COL4A6: variants seen among roughly 807,000 people sequenced by gnomAD.
COL4A6 encodes the protein collagen type IV alpha 6 chain.
Under a neutral mutation model 126.7 loss-of-function variants are expected in COL4A6, and 59 were observed. That is an observed-to-expected ratio of 0.47 (90% confidence interval 0.38 to 0.58). COL4A6 has a LOEUF of 0.58. Ranked by LOEUF, COL4A6 falls within the 20% of genes least tolerant of loss-of-function variation. The probability of loss-of-function intolerance (pLI) is 0.00; values close to 1 mark genes in which losing one functional copy is unlikely to be tolerated. For missense variants in COL4A6, 1,285 were observed against 1,337.3 expected (o/e 0.96, Z 0.61); for synonymous variants, 547 against 496.6 (o/e 1.10, Z -1.35).
intron 9 of COL4A6, 103 bp from the exon 10 acceptor site, chrX:108,205,798 C>T: frequency 2.9e-6 from 2 of 683,369 alleles, no homozygotes; most frequent in Non-Finnish European, 4.5e-6. Flanking sequence ...GCCATCTTTC[C>T]TGCTTTGGCA....
intron 24 of COL4A6, 109 bp from the exon 25 acceptor site, chrX:108,180,731 C>T (rs900892635): frequency 1.3e-6 from 1 of 758,104 alleles, no homozygotes; most frequent in Non-Finnish European, 1.9e-6. Context: ...CTCCTTGTCT[C>T]ACCTCCCCAC....
intron 3 of COL4A6, among the ~76,000 whole-genome samples, chrX:108,277,826 C>T (rs1157739368): frequency 8.9e-6 from 1 of 111,886 alleles, no homozygotes; most frequent in Admixed American, 9.4e-5. Flanking sequence ...GCAGCATTCG[C>T]GGTTCACGAA....
intron 7 of COL4A6, 65 bp from the exon 8 acceptor site, chrX:108,210,069 A>G (rs894453316): frequency 3.1e-5 from 34 of 1,094,112 alleles, no homozygotes; most frequent in Non-Finnish European, 4.0e-5. Flanking sequence ...TCAGATAACT[A>G]ACCTAACATT....
intron 8 of COL4A6, among the ~76,000 whole-genome samples, chrX:108,209,747 A>G (rs1460406435): frequency 8.9e-6 from 1 of 112,377 alleles, no homozygotes; most frequent in Non-Finnish European, 1.9e-5. Context: ...TCTCTGGCCT[A>G]AAGTCTGAAA....
intron 3 of COL4A6, among the ~76,000 whole-genome samples, chrX:108,283,125 T>C (rs1270686823): frequency 2.8e-5 from 3 of 107,982 alleles, no homozygotes; most frequent in African/African-American, 1.0e-4. Flanking sequence ...TGTGCACTTG[T>C]ACCCTAAAAC....
At chrX:108,225,796 C>T (rs1025100832) in intron 3 of COL4A6, among the ~76,000 whole-genome samples, 1 of 112,899 alleles carries the variant, frequency 8.9e-6, no homozygotes. Flanking sequence ...AACTTAGTCC[C>T]TTTCTGCCTT....
intron 14 of COL4A6, among the ~76,000 whole-genome samples, chrX:108,195,618 T>C (rs968083412): frequency 1.8e-5 from 2 of 112,081 alleles, no homozygotes; most frequent in African/African-American, 6.5e-5. Flanking sequence ...AATAGCCACA[T>C]GGAGCATTTT....
At chrX:108,243,333 G>C (rs777789232) in intron 3 of COL4A6, among the ~76,000 whole-genome samples, 19 of 111,066 alleles carry the variant, frequency 1.7e-4, no homozygotes, top group Non-Finnish European at 3.2e-4. Context: ...TGGAGATGAG[G>C]CCTTTAAGGA....
chrX:108,413,960 G>T (rs1603226960), intron 2 of COL4A6, among the ~76,000 whole-genome samples: 1 of 112,145 alleles, frequency 8.9e-6, no homozygotes, highest in African/African-American at 3.2e-5. Context: ...ACAAAATGCA[G>T]GTTGAGGGTT....
chrX:108,425,879 G>A (rs1937061210), intron 2 of COL4A6, among the ~76,000 whole-genome samples: 1 of 110,606 alleles, frequency 9.0e-6, no homozygotes, highest in Admixed American at 9.7e-5. Flanking sequence ...GATATTTCTG[G>A]GGAGGGCATA....
At chrX:108,302,259 T>C (rs1016742793) in intron 3 of COL4A6, among the ~76,000 whole-genome samples, 8 of 111,853 alleles carry the variant, frequency 7.2e-5, no homozygotes. Flanking sequence ...ATAAACAGCA[T>C]GTTAAATGTC....
chrX:108,276,430 T>C (rs2037605223), intron 3 of COL4A6, among the ~76,000 whole-genome samples: 2 of 112,782 alleles, frequency 1.8e-5, no homozygotes, highest in South Asian at 7.3e-4. Context: ...GCCACAAAGC[T>C]AGAAGATAGG....
At chrX:108,255,185 CAAAAAAAAAAA>C (rs34052577) in intron 3 of COL4A6, among the ~76,000 whole-genome samples, 1 of 31,558 alleles carries the variant, frequency 3.2e-5, no homozygotes, top group African/African-American at 1.4e-4. Flanking sequence ...CCACAGGGGG[CAAAAAAAAAAA>C]AAAAAAAAAA....
intron 33 of COL4A6, 149 bp downstream of exon 33, chrX:108,171,238 T>A (rs1452890830): frequency 4.1e-6 from 2 of 486,037 alleles, no homozygotes; most frequent in Admixed American, 7.8e-5. Flanking sequence ...GAAGGAAGAG[T>A]AGGCTGATTT....
intron 3 of COL4A6, among the ~76,000 whole-genome samples, chrX:108,241,776 T>G (rs1220188313): frequency 9.2e-6 from 1 of 108,583 alleles, no homozygotes; most frequent in Non-Finnish European, 1.9e-5. Context: ...TGGGTCAAAA[T>G]AGAATCCATT....
chrX:108,438,091 T>C (rs1449619636), intron 1 of COL4A6, 95 bp downstream of exon 1: 1 of 1,199,723 alleles, frequency 8.3e-7, no homozygotes, highest in Non-Finnish European at 1.1e-6. Context: ...TGCTCCCAAT[T>C]TCTCTGCAGT....
intron 4 of COL4A6, 113 bp from the exon 5 acceptor site, chrX:108,219,855 C>T: frequency 2.0e-6 from 1 of 508,801 alleles, no homozygotes; most frequent in East Asian, 3.4e-5. Context: ...TTTCGTACCC[C>T]CCTCCCCATA....
intron 3 of COL4A6, among the ~76,000 whole-genome samples, chrX:108,267,462 T>A (rs1482256396): frequency 8.9e-6 from 1 of 112,201 alleles, no homozygotes; most frequent in African/African-American, 3.2e-5. Flanking sequence ...AATCGGTAAA[T>A]ACATTCTACT....
chrX:108,407,951 C>T (rs943052455), intron 2 of COL4A6, among the ~76,000 whole-genome samples: 3 of 111,183 alleles, frequency 2.7e-5, no homozygotes, highest in Non-Finnish European at 5.6e-5. Flanking sequence ...TTACTTAACC[C>T]TCAAACCCCC....
Sources: allele counts gnomAD v4.1 joint callset (sites outside exome capture counted in the v4.1 genomes callset), GRCh38; gene constraint gnomAD v4.1.1; transcripts MANE v1.5; gene names NCBI Gene and HGNC (gene_info 2026-07-23, HGNC 2026-07-21).